FHOD3: variants seen among roughly 807,000 people sequenced by gnomAD.
FHOD3 encodes the protein formin homology 2 domain containing 3.
FHOD3 carries 90 observed loss-of-function variants against 173.0 expected under a neutral mutation model. The observed-to-expected ratio is 0.52, with a 90% confidence interval of 0.44 to 0.62. FHOD3 has a LOEUF of 0.62. Among genes scored for constraint, FHOD3 ranks in the 20% least tolerant of loss-of-function variants. The probability of loss-of-function intolerance (pLI) is 0.00; values close to 1 mark genes in which losing one functional copy is unlikely to be tolerated. For synonymous variants in FHOD3, 828 were observed against 823.0 expected, an observed-to-expected ratio of 1.01 and a Z score of -0.10; for missense variants, 1,945 against 2,034.7, an observed-to-expected ratio of 0.96 and a Z score of 0.85.
Position 36,557,181 on chromosome 18 carries a change from C to G in FHOD3, c.512-19270C>G, listed in dbSNP as rs1408762501. ...TTGTGGCTTGTTATTCCTCTTGGATCTGTTGGTTTACAATTTTGAACAAAT... is the reference window on the plus strand; with the variant it reads ...TTGTGGCTTGTTATTCCTCTTGGATGTGTTGGTTTACAATTTTGAACAAAT... On this transcript the variant is annotated intron_variant, in intron 5 of 28. Coordinates refer to ENST00000590592, the MANE Select transcript of FHOD3 (RefSeq NM_001281740.3). Among the ~76,000 whole-genome samples, 4 of 152,152 alleles carry G rather than the reference C, an allele frequency of 2.6e-5. No individual in the cohort carries two copies. The East Asian group carries it at 5.8e-4, about 22-fold the overall frequency.
At chr18:36,449,933 A>G (rs568023807) in intron 3 of FHOD3, among the ~76,000 whole-genome samples, 9 of 152,186 alleles carry the variant, frequency 5.9e-5, no homozygotes, top group Admixed American at 3.3e-4. Flanking sequence ...TAAAAAAAAA[A>G]TTCAGTAGGT....
At chr18:36,386,007 G>A (rs921395242) in intron 3 of FHOD3, among the ~76,000 whole-genome samples, 30 of 152,158 alleles carry the variant, frequency 2.0e-4, no homozygotes, top group African/African-American at 7.0e-4. Flanking sequence ...AAGTTGAAAC[G>A]TTATGCTCTA....
chr18:36,518,682 C>G (rs1465117211), intron 5 of FHOD3, among the ~76,000 whole-genome samples: 1 of 152,212 alleles, frequency 6.6e-6, no homozygotes, highest in African/African-American at 2.4e-5. Context: ...ATACAGCTTT[C>G]TGGCTTTTCT....
At chr18:36,390,020 G>T (rs1175706332) in intron 3 of FHOD3, among the ~76,000 whole-genome samples, 1 of 152,198 alleles carries the variant, frequency 6.6e-6, no homozygotes, top group Non-Finnish European at 1.5e-5. Context: ...TCCATCTGCT[G>T]TGCCTGTTTT....
intron 3 of FHOD3, among the ~76,000 whole-genome samples, chr18:36,453,772 A>G (rs937813577): frequency 2.6e-5 from 4 of 152,142 alleles, no homozygotes; most frequent in African/African-American, 9.7e-5. Flanking sequence ...AGAAGCCGGC[A>G]CTGCACAGGC....
intron 8 of FHOD3, among the ~76,000 whole-genome samples, chr18:36,605,319 T>A (rs1185400544): frequency 3.3e-5 from 5 of 152,218 alleles, no homozygotes; most frequent in Non-Finnish European, 5.9e-5. Flanking sequence ...GCTATTCTTA[T>A]GATCATAGCA....
chr18:36,493,687 T>C (rs1052975100), intron 3 of FHOD3, among the ~76,000 whole-genome samples: 1 of 152,190 alleles, frequency 6.6e-6, no homozygotes, highest in Admixed American at 6.5e-5. Context: ...TAATTTCTCA[T>C]GGCTGCACCT....
In FHOD3 at chr18:36,709,199, G is replaced by A. The variant is rs373252776; in HGVS notation, c.2341G>A (p.Glu781Lys). 5.8e-5 allele frequency: 93 copies of A among 1,614,094 alleles called. No homozygotes were observed. The highest frequency in any genetic ancestry group is 8.3e-5 in the Admixed American group (5 of 60,010). Residue 781 changes from glutamate (E) to lysine (K), a missense_variant, in exon 18 of 29, where the codon GAG (glutamate) becomes AAG (lysine). This residue lies in a region of FHOD3 where 1,099 missense variants were observed against 1,051.2 expected (regional missense o/e 1.05). Transcript: ENST00000590592. ...EAGQDIASAHEGAETEVEQAL... is the reference protein window; with the variant it reads ...EAGQDIASAHKGAETEVEQAL... ...TGGCCAGGACATAGCCTCTGCCCAC[G>A]AGGGTGCAGAGACTGAAGTGGAGCA...
chr18:36,652,470 A>C, intron 11 of FHOD3, 100 bp from the exon 12 acceptor site: 1 of 1,356,588 alleles, frequency 7.4e-7, no homozygotes, highest in South Asian at 1.5e-5. Context: ...TGATAATAGT[A>C]CAGAAGTGGC....
chr18:36,403,041 G>A (rs1448411774), intron 3 of FHOD3, among the ~76,000 whole-genome samples: 1 of 152,208 alleles, frequency 6.6e-6, no homozygotes, highest in Non-Finnish European at 1.5e-5. Context: ...GGATAGTTTT[G>A]TTGGGAGGGG....
rs975145851 is a variant in FHOD3, at chr18:36,326,622, A to G, written c.165+28622A>G. On this transcript the variant is annotated intron_variant, in intron 1 of 28. Transcript: ENST00000590592. ...GTCTCTACAAAAACATAATTAAAAA[A>G]AAATTAGTAGTCGCAGGTACTCGGA... Among the ~76,000 whole-genome samples the G allele has an allele frequency of 7.9e-5, 12 of 152,014 alleles. 1 individual carries two copies. The highest frequency in any genetic ancestry group is 7.4e-5 in the Non-Finnish European group (5 of 68,024).
rs2041309902 is a variant in FHOD3, at chr18:36,730,646, A to T, written c.3418A>T (p.Lys1140Ter). Residue 1140 changes from lysine to a stop codon, truncating the protein, a stop_gained and splice_region_variant, in exon 20 of 29, where the codon AAA becomes TAA. Transcript: ENST00000590592. LOFTEE classifies it high-confidence loss of function. ...TGGATTCTCCTTTTTTATCACTAAG[A>T]AAACTGCTGCAGATGGAAAAAGGCA... ...SKSKELSVSKKTAADGKRQEI... is the reference protein window; with the variant it reads ...SKSKELSVSK 6.2e-7 allele frequency: 1 copy of T among 1,610,278 alleles called. No homozygotes were observed. Among genetic ancestry groups the T allele is most frequent in the Non-Finnish European group, 8.5e-7 (1 of 1,179,136 alleles).
chr18:36,347,457 G>T (rs773316977), intron 1 of FHOD3, among the ~76,000 whole-genome samples: 1 of 152,172 alleles, frequency 6.6e-6, no homozygotes, highest in Non-Finnish European at 1.5e-5. Flanking sequence ...GACTTAAATA[G>T]AAATCTTGGG....
At position 36,509,981 on chromosome 18, in the gene FHOD3, G is replaced by A. The variant is rs1186349397; in HGVS notation, c.406-2457G>A. On this transcript the variant is annotated intron_variant, in intron 4 of 28. Transcript: ENST00000590592. ...CTCCACCACAGGGCAGCGATGCATGGGGGATTAACTGGATTACACAGGCAG... is the reference window on the plus strand; with the variant it reads ...CTCCACCACAGGGCAGCGATGCATGAGGGATTAACTGGATTACACAGGCAG... Among the ~76,000 whole-genome samples the A allele has an allele frequency of 3.9e-5, 6 of 152,186 alleles. 1 individual carries two copies. The South Asian group carries it at 1.0e-3, about 26-fold the overall frequency.
chr18:36,508,443 C>T (rs983788474), intron 4 of FHOD3, among the ~76,000 whole-genome samples: 1 of 152,054 alleles, frequency 6.6e-6, no homozygotes, highest in African/African-American at 2.4e-5. Flanking sequence ...CTTGGAACAT[C>T]TTATACAGAG....
At chr18:36,578,699 T>C (rs570736525) in intron 6 of FHOD3, among the ~76,000 whole-genome samples, 1 of 152,126 alleles carries the variant, frequency 6.6e-6, no homozygotes, top group Admixed American at 6.5e-5. Flanking sequence ...GGGAGGAGTA[T>C]GGTTCTAGTT....
chr18:36,566,941 T>C lies in FHOD3; in HGVS notation c.512-9510T>C, dbSNP rs201614057. On this transcript the variant is annotated intron_variant, in intron 5 of 28. Transcript: ENST00000590592. ...CTTAATAAGTGCAGTGTACTGCGTTTTCTGTTCTATTTCATTTATTGAAAA... is the reference window on the plus strand; with the variant it reads ...CTTAATAAGTGCAGTGTACTGCGTTCTCTGTTCTATTTCATTTATTGAAAA... Among the ~76,000 whole-genome samples, 3 of 152,348 alleles carry C rather than the reference T, an allele frequency of 2.0e-5. No homozygotes were observed. In the East Asian group the frequency reaches 5.8e-4, roughly 29 times the overall value.
At chr18:36,376,199 T>A (rs1361540230) in intron 3 of FHOD3, among the ~76,000 whole-genome samples, 2 of 152,178 alleles carry the variant, frequency 1.3e-5, no homozygotes. Flanking sequence ...AGGAATGGAA[T>A]CTAGGACTTA....
intron 3 of FHOD3, among the ~76,000 whole-genome samples, chr18:36,476,507 C>G (rs535455269): frequency 6.6e-6 from 1 of 152,158 alleles, no homozygotes; most frequent in Admixed American, 6.5e-5. Context: ...TCCCATCACC[C>G]TAAGACCTGT....
Sources: allele counts gnomAD v4.1 joint callset (sites outside exome capture counted in the v4.1 genomes callset), GRCh38; gene constraint gnomAD v4.1.1; regional missense constraint gnomAD v4.1.1; transcripts MANE v1.5; gene names NCBI Gene and HGNC (gene_info 2026-07-23, HGNC 2026-07-21).